USP8: variants seen among roughly 807,000 people sequenced by gnomAD.
The protein encoded by USP8 is ubiquitin specific peptidase 8.
In USP8, 27 loss-of-function variants were observed where a neutral mutation model predicts 130.0. The observed-to-expected ratio is 0.21, with a 90% confidence interval of 0.15 to 0.29. The LOEUF is 0.29. Among genes scored for constraint, USP8 ranks in the 10% least tolerant of loss-of-function variants. USP8 has a pLI of 1.00. For missense variants in USP8, 1,029 were observed against 1,312.2 expected, an observed-to-expected ratio of 0.78 and a Z score of 3.33; for synonymous variants, 392 against 444.1, an observed-to-expected ratio of 0.88 and a Z score of 1.48.
intron 16 of USP8, among the ~76,000 whole-genome samples, chr15:50,495,226 A>T (rs1178052185): frequency 1.5e-5 from 2 of 130,310 alleles, no homozygotes; most frequent in Non-Finnish European, 3.4e-5. Flanking sequence ...ACACAAAAAT[A>T]TTTGTGTATA....
At position 50,471,647 on chromosome 15, in the gene USP8, G is replaced by T; in HGVS notation, c.701G>T (p.Trp234Leu). 1 of 1,612,704 alleles carries T rather than the reference G, an allele frequency of 6.2e-7. No individual in the cohort carries two copies. The highest frequency in any genetic ancestry group is 1.1e-5 in the South Asian group (1 of 90,740). Residue 234 changes from tryptophan to leucine, a missense_variant, in exon 8 of 20, where the codon TGG becomes TTG. Coordinates refer to ENST00000307179, the MANE Select transcript of USP8 (RefSeq NM_005154.5). ...ATACATTTCAGAGTCACTGCTAGTT[G>T]GATTGAAGCACACCTGCCAGATGAT... ...EAISPGVTAS[W>L]IEAHLPDDSK...
At chr15:50,497,915 T>G (rs1435642448) in intron 18 of USP8, among the ~76,000 whole-genome samples, 1 of 152,208 alleles carries the variant, frequency 6.6e-6, no homozygotes, top group African/African-American at 2.4e-5. Flanking sequence ...GTATTGAGAT[T>G]CTTAGTTCCA....
chr15:50,493,635 C>T, intron 15 of USP8: 1 of 387,186 alleles, frequency 2.6e-6, no homozygotes, highest in Non-Finnish European at 5.0e-6. Context: ...GTCCCTGCTA[C>T]TTGGGAGGCT....
intron 6 of USP8, among the ~76,000 whole-genome samples, chr15:50,464,138 A>G (rs1205560961): frequency 1.3e-5 from 2 of 152,270 alleles, no homozygotes; most frequent in Non-Finnish European, 1.5e-5. Flanking sequence ...TGACACAACT[A>G]TTGATCTCTG....
At chr15:50,481,109 AC>A (rs1290740185) in intron 10 of USP8, among the ~76,000 whole-genome samples, 1 of 152,156 alleles carries the variant, frequency 6.6e-6, no homozygotes, top group Admixed American at 6.6e-5. Context: ...GGTTTGAGAT[AC>A]ATGTGTTGAC....
intron 4 of USP8, among the ~76,000 whole-genome samples, chr15:50,452,921 T>C (rs1475505857): frequency 6.6e-6 from 1 of 152,226 alleles, no homozygotes; most frequent in African/African-American, 2.4e-5. Flanking sequence ...GTGATTTGCA[T>C]TGAGGAGGCA....
intron 7 of USP8, among the ~76,000 whole-genome samples, chr15:50,467,778 A>G (rs971720966): frequency 1.1e-4 from 16 of 151,820 alleles, no homozygotes; most frequent in African/African-American, 3.9e-4. Flanking sequence ...ACAGCTCTCA[A>G]ACTCCTGGGC....
chr15:50,465,621 T>C (rs1424075495), intron 7 of USP8, among the ~76,000 whole-genome samples: 1 of 152,226 alleles, frequency 6.6e-6, no homozygotes. Flanking sequence ...AGATGTTTGT[T>C]AACTGATTTT....
At chr15:50,477,596 T>G in intron 10 of USP8, 97 bp downstream of exon 10, 6 of 1,176,106 alleles carry the variant, frequency 5.1e-6, no homozygotes, top group Non-Finnish European at 7.1e-6. Context: ...TCCCAGCACT[T>G]TGGGAGGCTG....
chr15:50,444,962 T>C (rs1459076618), intron 3 of USP8, among the ~76,000 whole-genome samples: 1 of 152,062 alleles, frequency 6.6e-6, no homozygotes, highest in Non-Finnish European at 1.5e-5. Context: ...CTTACCCTGT[T>C]GCCCAGGTTA....
chr15:50,452,716 C>T (rs1435111708), intron 4 of USP8, among the ~76,000 whole-genome samples: 31 of 152,168 alleles, frequency 2.0e-4, no homozygotes, highest in Admixed American at 2.0e-3. Flanking sequence ...CTTAGCCTCC[C>T]TCTGCCTCAG....
At chr15:50,435,566 C>T (rs1370520832) in intron 1 of USP8, among the ~76,000 whole-genome samples, 3 of 152,114 alleles carry the variant, frequency 2.0e-5, no homozygotes, top group Admixed American at 6.6e-5. Flanking sequence ...ACTTGATGAG[C>T]GGAAAATACC....
chr15:50,428,485 A>G (rs928505538), intron 1 of USP8, among the ~76,000 whole-genome samples: 2 of 152,224 alleles, frequency 1.3e-5, no homozygotes, highest in Admixed American at 6.5e-5. Context: ...AAGACCTCCA[A>G]TGAATGCCTG....
chr15:50,476,038 A>G (rs560753911), intron 8 of USP8, among the ~76,000 whole-genome samples: 2 of 152,320 alleles, frequency 1.3e-5, no homozygotes, highest in South Asian at 2.1e-4. Context: ...AGGTATGTGC[A>G]TGTATAAGGA....
rs1452449524 is a variant in USP8 at position 50,514,099 on chromosome 15, C to T, written c.*15011C>T. 1 of 152,018 alleles carries T rather than the reference C, an allele frequency of 6.6e-6. No homozygotes were observed. The highest frequency in any genetic ancestry group is 2.4e-5 in the African/African-American group (1 of 41,360). The allele number at this position is 152,018 out of a possible 1,614,324, so 9.4% of individuals were successfully genotyped here. Reference sequence around the variant, plus strand: ...TACAGCAATGAGAATGAATAAATTACAATATAAACAACAATATGGATGAAC... The same window carrying T: ...TACAGCAATGAGAATGAATAAATTATAATATAAACAACAATATGGATGAAC... On this transcript the variant is annotated 3_prime_UTR_variant, in exon 20 of 20. Transcript: ENST00000307179.
intron 14 of USP8, 140 bp from the exon 15 acceptor site, chr15:50,492,561 A>G (rs967766134): frequency 1.2e-6 from 1 of 800,354 alleles, no homozygotes; most frequent in African/African-American, 1.7e-5. Context: ...TGGAAGGCCC[A>G]GCATCTTATG....
rs2052545698 is a variant in USP8, at chr15:50,499,758, A to C, written c.*670A>C. Reference sequence around the variant, plus strand: ...GAATTTCATTTACAGCTACATTAAAATCTTAATGAGAAAAATAATTTATAA... The same window carrying C: ...GAATTTCATTTACAGCTACATTAAACTCTTAATGAGAAAAATAATTTATAA... On this transcript the variant is annotated 3_prime_UTR_variant, in exon 20 of 20. Transcript: ENST00000307179. 1 of 152,150 alleles carries C rather than the reference A, an allele frequency of 6.6e-6. No homozygotes were observed. Among genetic ancestry groups the C allele is most frequent in the African/African-American group, 2.4e-5 (1 of 41,462 alleles). 9.4% of individuals were successfully genotyped at this position (152,150 alleles called of 1,614,324 possible).
chr15:50,488,523 A>ACAGG (rs1462008645), intron 12 of USP8, among the ~76,000 whole-genome samples: 1 of 144,118 alleles, frequency 6.9e-6, no homozygotes, highest in Non-Finnish European at 1.5e-5. Flanking sequence ...AGCTAGGACC[A>ACAGG]CAGGTGCATG....
rs1367373918 is a variant in USP8 at position 50,474,160 on chromosome 15, C to CT, written c.849+2366dup. On this transcript the variant is annotated intron_variant, in intron 8 of 19. Coordinates refer to ENST00000307179, the MANE Select transcript of USP8 (RefSeq NM_005154.5). ...GCTGAGGCGTGCGTCACCATCCTAGCTAATTTTATTTTATTTTATTTTTGT... is the reference window on the plus strand; with the variant it reads ...GCTGAGGCGTGCGTCACCATCCTAGCTTAATTTTATTTTATTTTATTTTTGT... Among the ~76,000 whole-genome samples the CT allele has an allele frequency of 7.1e-3, 1,077 of 152,138 alleles. 15 individuals are homozygous for CT. The highest frequency in any genetic ancestry group is 9.6e-3 in the Non-Finnish European group (652 of 67,992).
Sources: gnomAD v4.1 joint callset for allele counts (sites outside exome capture counted in the v4.1 genomes callset) on GRCh38, gnomAD v4.1.1 for gene constraint, MANE v1.5 for transcripts, NCBI Gene and HGNC (gene_info 2026-07-23, HGNC 2026-07-21) for gene names.